SRSF12: variants seen among roughly 807,000 people sequenced by gnomAD.
SRSF12 encodes the protein serine/arginine-rich splicing factor 12.
A neutral mutation model predicts 34.1 loss-of-function variants in SRSF12; 21 were observed. That is an observed-to-expected ratio of 0.62 (90% CI 0.44 to 0.89). SRSF12 has a LOEUF of 0.89. Ranked by LOEUF, SRSF12 falls within the 40% of genes least tolerant of loss-of-function variation. The pLI is 0.00. For missense variants in SRSF12, 278 were observed against 327.8 expected (o/e 0.85, Z 1.17); for synonymous variants, 111 against 110.8 (o/e 1.00, Z -0.01).
At chr6:89,105,076 CAGAAAAAGT>C (rs1768724446) in intron 4 of SRSF12, 34 bp downstream of exon 4, 1 of 1,543,044 alleles carries the variant, frequency 6.5e-7, no homozygotes, top group Non-Finnish European at 8.8e-7. Context: ...ATCTATTTCC[CAGAAAAAGT>C]AGAAAATGAA....
At chr6:89,113,148 CAT>C (rs1227524976) in intron 1 of SRSF12, among the ~76,000 whole-genome samples, 2 of 152,092 alleles carry the variant, frequency 1.3e-5, no homozygotes, top group Non-Finnish European at 2.9e-5. Flanking sequence ...TATAATTTTA[CAT>C]ATGTTTTATT....
chr6:89,108,577 G>A (rs867860695), intron 1 of SRSF12, among the ~76,000 whole-genome samples: 7 of 152,106 alleles, frequency 4.6e-5, no homozygotes, highest in Admixed American at 6.6e-5. Flanking sequence ...AATGTGGCTC[G>A]GGAGAAATAA....
chr6:89,107,897 T>G lies in SRSF12; in HGVS notation c.66-639A>C, dbSNP rs528132466. Among the ~76,000 whole-genome samples, 3 of 152,296 alleles carry G rather than the reference T, an allele frequency of 2.0e-5. No homozygotes were observed. In the South Asian group the frequency reaches 6.2e-4, roughly 32 times the overall value. On this transcript the variant is annotated intron_variant, in intron 1 of 4. Coordinates refer to ENST00000452027, the MANE Select transcript of SRSF12 (RefSeq NM_080743.5). Reference sequence around the variant, plus strand: ...TTTCCAGAAACACTGACCCAGCATATCCACCTCTGAAAGTTATTATAAGAC... The same window carrying G: ...TTTCCAGAAACACTGACCCAGCATAGCCACCTCTGAAAGTTATTATAAGAC...
chr6:89,117,587 G>A (rs1769367665), intron 1 of SRSF12, among the ~76,000 whole-genome samples: 1 of 152,190 alleles, frequency 6.6e-6, no homozygotes, highest in South Asian at 2.1e-4. Flanking sequence ...GCGGGCCCGG[G>A]ACACGATGTG....
At position 89,105,197 on chromosome 6, in the gene SRSF12, C is replaced by T; in HGVS notation, c.338G>A (p.Arg113Lys). Residue 113 changes from arginine (R) to lysine (K), a missense_variant, in exon 4 of 5, where the codon AGA (arginine) becomes AAA (lysine). Coordinates refer to ENST00000452027, the MANE Select transcript of SRSF12 (RefSeq NM_080743.5). Reference sequence around the variant, plus strand: ...TCGAGTTCTTCTTTGGCTGGGGCTTCTTGATCTCCTGTGATCACTTGGAGA... The same window carrying T: ...TCGAGTTCTTCTTTGGCTGGGGCTTTTTGATCTCCTGTGATCACTTGGAGA... ...PCSPSDHRRS[R>K]SPSQRRTRSR... 6.2e-7 allele frequency: 1 copy of T among 1,612,410 alleles called. No homozygotes were observed. The highest frequency in any genetic ancestry group is 8.5e-7 in the Non-Finnish European group (1 of 1,179,106).
At chr6:89,114,076 G>A (rs1769180887) in intron 1 of SRSF12, among the ~76,000 whole-genome samples, 1 of 152,066 alleles carries the variant, frequency 6.6e-6, no homozygotes, top group Admixed American at 6.6e-5. Context: ...CCTGCTATTC[G>A]ATCTTAGGCA....
intron 1 of SRSF12, among the ~76,000 whole-genome samples, chr6:89,116,814 G>A (rs1002499619): frequency 1.1e-4 from 17 of 151,268 alleles, no homozygotes; most frequent in African/African-American, 4.1e-4. Context: ...AATACTTAAC[G>A]TTTATTTACT....
intron 1 of SRSF12, among the ~76,000 whole-genome samples, chr6:89,109,929 A>C (rs1344154555): frequency 1.3e-5 from 2 of 152,068 alleles, no homozygotes; most frequent in Admixed American, 6.5e-5. Flanking sequence ...ATCTCTACTA[A>C]AAATACAAAA....
chr6:89,105,287 A>C, intron 3 of SRSF12, 27 bp from the exon 4 acceptor site: 1 of 1,588,630 alleles, frequency 6.3e-7, no homozygotes, highest in Admixed American at 1.7e-5. Flanking sequence ...AAGACTTATG[A>C]CATAATTCGT....
intron 1 of SRSF12, among the ~76,000 whole-genome samples, chr6:89,109,280 T>G (rs1012132560): frequency 6.6e-6 from 1 of 152,250 alleles, no homozygotes; most frequent in African/African-American, 2.4e-5. Flanking sequence ...CAGGCAATTC[T>G]GAGACTGAAG....
At chr6:89,104,259 C>T (rs563215472) in intron 4 of SRSF12, among the ~76,000 whole-genome samples, 22 of 134,926 alleles carry the variant, frequency 1.6e-4, no homozygotes, top group African/African-American at 3.2e-4. Flanking sequence ...TGTTTTGAGA[C>T]GGAGTCTCGC....
intron 1 of SRSF12, 135 bp from the exon 2 acceptor site, chr6:89,107,393 G>A: frequency 1.5e-6 from 1 of 654,772 alleles, no homozygotes; most frequent in Non-Finnish European, 2.6e-6. Context: ...TTTTTTGTAA[G>A]AATCATGCAA....
At chr6:89,109,874 G>A (rs947119450) in intron 1 of SRSF12, among the ~76,000 whole-genome samples, 3 of 152,234 alleles carry the variant, frequency 2.0e-5, no homozygotes, top group Admixed American at 1.3e-4. Flanking sequence ...GGCGGATTAC[G>A]AGGTCAGGAG....
chr6:89,103,991 C>CTTTTTTTTTTT lies in SRSF12; in HGVS notation c.416+1117_416+1127dup, dbSNP rs55760020. Among the ~76,000 whole-genome samples, 8 of 81,964 alleles carry CTTTTTTTTTTT rather than the reference C, an allele frequency of 9.8e-5. 1 individual carries two copies. Among genetic ancestry groups the CTTTTTTTTTTT allele is most frequent in the African/African-American group, 3.3e-4 (7 of 21,404 alleles). 53.8% of individuals were successfully genotyped at this position (81,964 alleles called of 152,430 possible). The stretch of plus-strand genomic sequence containing the variant: ...TTTCACAAGGGATTTTATTATATTT[C>CTTTTTTTTTTT]TTTTTTTTTTTTTTTTTTTTTTTTT... On this transcript the variant is annotated intron_variant, in intron 4 of 4. Coordinates refer to ENST00000452027, the MANE Select transcript of SRSF12 (RefSeq NM_080743.5).
intron 1 of SRSF12, among the ~76,000 whole-genome samples, 153 bp downstream of exon 1, chr6:89,117,670 A>C (rs1479277349): frequency 6.6e-6 from 1 of 151,720 alleles, no homozygotes; most frequent in African/African-American, 2.4e-5. Flanking sequence ...GAGTAGTCCG[A>C]GGGCTCACAC....
At chr6:89,104,177 C>T (rs1768675110) in intron 4 of SRSF12, among the ~76,000 whole-genome samples, 1 of 148,712 alleles carries the variant, frequency 6.7e-6, no homozygotes, top group Non-Finnish European at 1.5e-5. Flanking sequence ...AGATTACAAA[C>T]TGTTGGGCAC....
chr6:89,116,900 C>T (rs1043098903), intron 1 of SRSF12, among the ~76,000 whole-genome samples: 29 of 152,018 alleles, frequency 1.9e-4, no homozygotes, highest in Admixed American at 1.8e-3. Context: ...CCTCTCTGGC[C>T]CCAGGTAAAT....
chr6:89,098,458 T>C lies in SRSF12; in HGVS notation c.*120A>G. 1.6e-6 allele frequency: 2 copies of C among 1,279,588 alleles called. No homozygotes were observed. The highest frequency in any genetic ancestry group is 1.0e-6 in the Non-Finnish European group (1 of 963,272). The allele number at this position is 1,279,588 out of a possible 1,614,324, so 79.3% of individuals were successfully genotyped here. A position where few individuals can be genotyped will look rare whatever the true frequency, so the allele number is the denominator to read the frequency against. On this transcript the variant is annotated 3_prime_UTR_variant, in exon 5 of 5. Coordinates refer to ENST00000452027, the MANE Select transcript of SRSF12 (RefSeq NM_080743.5). The stretch of plus-strand genomic sequence containing the variant: ...AAAGCTAGAGATTTTATTTCTTCCA[T>C]ATGCCCAAAGTAACTAATATCAACT...
intron 1 of SRSF12, among the ~76,000 whole-genome samples, chr6:89,110,315 A>T (rs935234485): frequency 1.3e-5 from 2 of 152,180 alleles, no homozygotes; most frequent in African/African-American, 4.8e-5. Flanking sequence ...ACAGAGTGGG[A>T]GCAGGCTCAA....
Sources: allele counts gnomAD v4.1 joint callset (sites outside exome capture counted in the v4.1 genomes callset), GRCh38; gene constraint gnomAD v4.1.1; transcripts MANE v1.5; gene names NCBI Gene and HGNC (gene_info 2026-07-23, HGNC 2026-07-21).